Variants in ABTB2 observed in about 807,000 individuals in gnomAD.
The protein encoded by ABTB2 is ankyrin repeat and BTB domain containing 2.
A neutral mutation model predicts 104.1 loss-of-function variants in ABTB2; 56 were observed. The observed-to-expected ratio is 0.54, with a 90% CI of 0.43 to 0.67. ABTB2 has a LOEUF of 0.67. Among genes scored for constraint, ABTB2 ranks in the 30% least tolerant of loss-of-function variants. The pLI is 0.00. For missense variants in ABTB2, 1,279 were observed against 1,407.7 expected (o/e 0.91, Z 1.46); for synonymous variants, 606 against 608.2 (o/e 1.00, Z 0.05).
At chr11:34,178,273 C>T (rs1852980975) in intron 3 of ABTB2, among the ~76,000 whole-genome samples, 1 of 152,138 alleles carries the variant, frequency 6.6e-6, no homozygotes, top group South Asian at 2.1e-4. Context: ...CACCCACCTC[C>T]CCAGCCTGGG....
intron 1 of ABTB2, among the ~76,000 whole-genome samples, chr11:34,269,902 C>T (rs753329905): frequency 6.6e-6 from 1 of 152,194 alleles, no homozygotes; most frequent in Non-Finnish European, 1.5e-5. Flanking sequence ...TGACTCGATC[C>T]TCTCATCCAC....
Position 34,356,567 on chromosome 11 carries a change from A to G in ABTB2, c.883+134T>C. 1 of 1,247,760 alleles carries G rather than the reference A, an allele frequency of 8.0e-7. No homozygotes were observed. Among genetic ancestry groups the G allele is most frequent in the African/African-American group, 1.5e-5 (1 of 65,620 alleles). The allele number at this position is 1,247,760 out of a possible 1,614,324, so 77.3% of individuals were successfully genotyped here. On this transcript the variant is annotated intron_variant, in intron 1 of 16. Transcript: ENST00000435224. The surrounding 1 kb of genome is among the most constrained non-coding windows in gnomAD (Gnocchi z 4.6). ...TGGCAAGTGCCATGTAATGAACCCT[A>G]TCCTCAGACCAAACGTTTTCTCCCA... is the stretch of plus-strand genomic sequence containing the variant.
intron 1 of ABTB2, among the ~76,000 whole-genome samples, chr11:34,210,356 C>T (rs1590217782): frequency 6.6e-6 from 1 of 152,204 alleles, no homozygotes; most frequent in South Asian, 2.1e-4. Context: ...TGTGAATTGT[C>T]AACAGTGGGA....
At chr11:34,338,073 A>G (rs538478010) in intron 1 of ABTB2, among the ~76,000 whole-genome samples, 3 of 152,190 alleles carry the variant, frequency 2.0e-5, no homozygotes, top group Non-Finnish European at 4.4e-5. Flanking sequence ...AATCGCCGCA[A>G]GAGTTGCTTT....
At chr11:34,163,803 A>ACTGTCCCAAGGGTCCTGT (rs1295757328) in intron 9 of ABTB2, among the ~76,000 whole-genome samples, 4 of 152,210 alleles carry the variant, frequency 2.6e-5, no homozygotes, top group Non-Finnish European at 5.9e-5. Context: ...AGCCACGGTG[A>ACTGTCCCAAGGGTCCTGT]CTGTCCCAAG....
chr11:34,304,477 A>T (rs1447841570), intron 1 of ABTB2, among the ~76,000 whole-genome samples: 1 of 152,212 alleles, frequency 6.6e-6, no homozygotes, highest in Non-Finnish European at 1.5e-5. Context: ...AATGGATTTA[A>T]TCTTCCTAAT....
chr11:34,276,448 TA>T (rs1357807855), intron 1 of ABTB2, among the ~76,000 whole-genome samples: 1 of 152,172 alleles, frequency 6.6e-6, no homozygotes, highest in African/African-American at 2.4e-5. Context: ...TATTAATTCC[TA>T]AAATCCTACT....
chr11:34,287,724 T>G (rs1854522709), intron 1 of ABTB2, among the ~76,000 whole-genome samples: 1 of 152,218 alleles, frequency 6.6e-6, no homozygotes. Context: ...ATTACTTGAC[T>G]TCGAGGGTCC....
At chr11:34,164,159 G>A (rs775397366) in intron 9 of ABTB2, among the ~76,000 whole-genome samples, 46 of 149,112 alleles carry the variant, frequency 3.1e-4, no homozygotes, top group Non-Finnish European at 6.4e-4. Context: ...GCCCTTGTCT[G>A]GTCTCCCTTT....
At chr11:34,157,452 G>A (rs1182113829) in intron 14 of ABTB2, among the ~76,000 whole-genome samples, 2 of 152,158 alleles carry the variant, frequency 1.3e-5, no homozygotes, top group Admixed American at 6.5e-5. Flanking sequence ...ACAGGCGACT[G>A]AGCCCGCACA....
chr11:34,332,499 A>G (rs910716555), intron 1 of ABTB2, among the ~76,000 whole-genome samples: 5 of 152,250 alleles, frequency 3.3e-5, no homozygotes, highest in Admixed American at 6.5e-5. Flanking sequence ...GAATTAAATT[A>G]TAATTGGATA....
chr11:34,167,392 T>A (rs750615319), intron 6 of ABTB2, 32 bp from the exon 7 acceptor site: 16 of 1,586,918 alleles, frequency 1.0e-5, no homozygotes, highest in African/African-American at 1.3e-5. Context: ...CTGTGTTTTC[T>A]GGGCACCCGA....
At chr11:34,311,204 G>A (rs995113602) in intron 1 of ABTB2, among the ~76,000 whole-genome samples, 6 of 152,198 alleles carry the variant, frequency 3.9e-5, no homozygotes, top group South Asian at 4.1e-4. Context: ...GTCAGGCCCC[G>A]GAAGGGCTGT....
At chr11:34,283,276 C>A (rs1487288232) in intron 1 of ABTB2, among the ~76,000 whole-genome samples, 1 of 152,064 alleles carries the variant, frequency 6.6e-6, no homozygotes, top group Non-Finnish European at 1.5e-5. Flanking sequence ...AGTGCAGTGG[C>A]ACGACCTCAG....
intron 1 of ABTB2, among the ~76,000 whole-genome samples, chr11:34,248,709 G>A (rs1404499255): frequency 2.0e-5 from 3 of 152,238 alleles, no homozygotes; most frequent in Admixed American, 1.3e-4. Flanking sequence ...GTTTTCATAA[G>A]TGAACACAAA....
chr11:34,164,317 C>A (rs1254158167), intron 9 of ABTB2, among the ~76,000 whole-genome samples: 1 of 152,214 alleles, frequency 6.6e-6, no homozygotes, highest in Non-Finnish European at 1.5e-5. Context: ...GAGCCGTATG[C>A]TATTTGGACG....
chr11:34,286,839 C>T (rs1246651313), intron 1 of ABTB2, among the ~76,000 whole-genome samples: 1 of 152,158 alleles, frequency 6.6e-6, no homozygotes, highest in Non-Finnish European at 1.5e-5. Context: ...GTAAAAGAAA[C>T]CAGCCTCAAA....
chr11:34,177,385 G>C (rs1157083685), intron 3 of ABTB2, among the ~76,000 whole-genome samples: 1 of 152,204 alleles, frequency 6.6e-6, no homozygotes, highest in East Asian at 1.9e-4. Context: ...GGCTGGTGAG[G>C]TGGAAAATTG....
In ABTB2 at chr11:34,257,808, T is replaced by C. The variant is rs562102585; in HGVS notation, c.884-53118A>G. Among the ~76,000 whole-genome samples, 4 of 152,232 alleles carry C rather than the reference T, an allele frequency of 2.6e-5. No individual in the cohort carries two copies. In the South Asian group the frequency reaches 8.3e-4, roughly 32 times the overall value. ...TCTTGCTATGTTGCCCAGAATGGTC[T>C]GAATGGTCTCAAACTCCTGGGCTCA... On this transcript the variant is annotated intron_variant, in intron 1 of 16. Transcript: ENST00000435224.
Sources: gnomAD v4.1 joint callset for allele counts (sites outside exome capture counted in the v4.1 genomes callset) on GRCh38, gnomAD v4.1.1 for gene constraint, Gnocchi (gnomAD v3.1) non-coding constraint, MANE v1.5 for transcripts, NCBI Gene and HGNC (gene_info 2026-07-23, HGNC 2026-07-21) for gene names.